Variants in CLEC12A observed in about 807,000 individuals in gnomAD.
CLEC12A encodes C-type lectin protein CLL-1.
A neutral mutation model predicts 26.5 loss-of-function variants in CLEC12A; 22 were observed. The observed-to-expected ratio is 0.83, with a 90% CI of 0.59 to 1.19. The LOEUF is 1.19. CLEC12A is among the 50% of genes most tolerant of loss of function. The pLI is 0.00. For synonymous variants in CLEC12A, 119 were observed against 101.9 expected (o/e 1.17, Z -1.01); for missense variants, 353 against 315.6 (o/e 1.12, Z -0.90).
chr12:9,975,308 C>T (rs896689408), intron 1 of CLEC12A, among the ~76,000 whole-genome samples: 21 of 152,130 alleles, frequency 1.4e-4, no homozygotes, highest in African/African-American at 4.8e-4. Flanking sequence ...AAATGTGGGA[C>T]AGTTTGGCAC....
intron 1 of CLEC12A, chr12:9,951,645 C>T (rs962935584): frequency 4.6e-6 from 2 of 437,742 alleles, no homozygotes; most frequent in Non-Finnish European, 4.2e-6. Flanking sequence ...GAGAAAGCAA[C>T]TCAACTGTTT....
chr12:10,003,150 C>T, the CLEC12A span, among the ~76,000 whole-genome samples: 2 of 152,124 alleles, frequency 1.3e-5, no homozygotes, highest in Non-Finnish European at 2.9e-5. Context: ...AAGCTGTTTG[C>T]CTTTGACTTA....
At chr12:9,991,002 TG>T (rs1393606594) in intron 4 of CLEC12A, 1 of 152,224 alleles carries the variant, frequency 6.6e-6, no homozygotes, top group African/African-American at 2.4e-5. Flanking sequence ...CCAGACATAA[TG>T]CTGTTGTATA....
At chr12:9,993,193 A>C (rs1412288758) in intron 4 of CLEC12A, 1 of 1,612,280 alleles carries the variant, frequency 6.2e-7, no homozygotes, top group African/African-American at 1.3e-5. Context: ...TCACACATTA[A>C]ATAATGTTTG....
At chr12:9,959,452 CAAA>C (rs57106602) in intron 1 of CLEC12A, among the ~76,000 whole-genome samples, 46 of 140,784 alleles carry the variant, frequency 3.3e-4, no homozygotes, top group Admixed American at 4.9e-4. Context: ...AACTCTGTCT[CAAA>C]AAAAAAAAAA....
At chr12:9,978,831 T>A in intron 1 of CLEC12A, 135 bp from the exon 2 acceptor site, 1 of 641,882 alleles carries the variant, frequency 1.6e-6, no homozygotes, top group South Asian at 1.9e-5. Flanking sequence ...TATTCTTGAA[T>A]GGCTAGCAAA....
chr12:9,974,570 C>G (rs951706338), intron 1 of CLEC12A, among the ~76,000 whole-genome samples: 2 of 152,002 alleles, frequency 1.3e-5, no homozygotes, highest in Non-Finnish European at 2.9e-5. Flanking sequence ...CTCCAGACAG[C>G]CTCATCTCAT....
In CLEC12A at chr12:9,971,495, CAG is replaced by C. The variant is rs1296671155; in HGVS notation, c.-100_-99del. On this transcript the variant is annotated 5_prime_UTR_variant, in exon 1 of 6. Coordinates refer to ENST00000304361, the MANE Select transcript of CLEC12A (RefSeq NM_138337.6). ...GTAAGCTTAAGCTTCCGTTTATAAA[CAG>C]AAGTTTAAAATTATAGGTCCTGTTT... The C allele has an allele frequency of 6.8e-7, 1 of 1,468,078 alleles. No homozygotes were observed. The highest frequency in any genetic ancestry group is 1.4e-5 in the African/African-American group (1 of 70,176). The allele number at this position is 1,468,078 out of a possible 1,614,324, so 90.9% of individuals were successfully genotyped here. A position where few individuals can be genotyped will look rare whatever the true frequency, so the allele number is the denominator to read the frequency against.
chr12:9,968,827 T>A (rs1268824707), upstream of CLEC12A, among the ~76,000 whole-genome samples: 2 of 152,242 alleles, frequency 1.3e-5, no homozygotes, highest in Non-Finnish European at 2.9e-5. Flanking sequence ...ATAGGTTGAT[T>A]TCATATCTTG....
chr12:9,992,614 C>A (rs1864918350), intron 4 of CLEC12A: 1 of 152,028 alleles, frequency 6.6e-6, no homozygotes, highest in African/African-American at 2.4e-5. Context: ...TGTTATTATT[C>A]CTATTTTAAA....
chr12:10,004,432 G>A, the CLEC12A span, among the ~76,000 whole-genome samples: 1 of 152,152 alleles, frequency 6.6e-6, no homozygotes, highest in African/African-American at 2.4e-5. Context: ...GATGAAATGG[G>A]AAGGTGATCT....
At chr12:9,984,840 C>A (rs1278393645) in intron 5 of CLEC12A, 30 bp from the exon 6 acceptor site, 3 of 1,391,192 alleles carry the variant, frequency 2.2e-6, no homozygotes, top group Non-Finnish European at 2.8e-6. Flanking sequence ...ATCTGACTTG[C>A]CAAGTGTAAT....
chr12:9,978,929 CA>C (rs1565559007), intron 1 of CLEC12A, 36 bp from the exon 2 acceptor site: 2 of 1,406,328 alleles, frequency 1.4e-6, no homozygotes, highest in Non-Finnish European at 2.0e-6. Flanking sequence ...AAAGTTATAC[CA>C]TTTTTAGGCC....
In CLEC12A at chr12:9,980,650, G is replaced by A. The variant is rs556889668; in HGVS notation, c.448G>A (p.Asp150Asn). 1 of 1,613,870 alleles carries A rather than the reference G, an allele frequency of 6.2e-7. No homozygotes were observed. The highest frequency in any genetic ancestry group is 1.3e-5 in the African/African-American group (1 of 75,018). ...GGACAGCTGTTATTTCCTAAGTGATGATGTCCAAACATGGCAGGAGAGTAA... is the reference window on the plus strand; with the variant it reads ...GGACAGCTGTTATTTCCTAAGTGATAATGTCCAAACATGGCAGGAGAGTAA... ...HKDSCYFLSD[D>N]VQTWQESKMA... The change falls in exon 4 of 6, where the codon GAT (aspartate) becomes AAT (asparagine). Residue 150 changes from aspartate to asparagine, a missense_variant. Physicochemically the swap from Asp to Asn is conservative, Grantham distance 23. Transcript: ENST00000304361.
intron 1 of CLEC12A, among the ~76,000 whole-genome samples, chr12:9,963,451 T>C: frequency 7.0e-6 from 1 of 141,942 alleles, no homozygotes; most frequent in East Asian, 2.0e-4. Flanking sequence ...ATGTCTGTGA[T>C]GCTAGCAGAG....
chr12:9,997,408 A>G (rs1865081082), downstream of CLEC12A: 2 of 786,034 alleles, frequency 2.5e-6, no homozygotes, highest in Non-Finnish European at 3.9e-6. Flanking sequence ...CACATGATTA[A>G]ATGAATGTTG....
the CLEC12A span, among the ~76,000 whole-genome samples, chr12:10,003,197 G>C: frequency 6.6e-6 from 1 of 152,126 alleles, no homozygotes; most frequent in Non-Finnish European, 1.5e-5. Flanking sequence ...TGTTTAATTT[G>C]GTAATGGTAG....
upstream of CLEC12A, among the ~76,000 whole-genome samples, chr12:9,970,452 T>G (rs909630083): frequency 6.6e-6 from 1 of 152,220 alleles, no homozygotes. Context: ...AACCATTTTA[T>G]GATTTACATG....
intron 1 of CLEC12A, among the ~76,000 whole-genome samples, chr12:9,957,376 T>C (rs918991703): frequency 1.3e-5 from 2 of 151,750 alleles, no homozygotes; most frequent in Non-Finnish European, 2.9e-5. Context: ...TAATCCCAGC[T>C]ACTCAGGAGG....
Sources: allele counts gnomAD v4.1 joint callset (sites outside exome capture counted in the v4.1 genomes callset), GRCh38; gene constraint gnomAD v4.1.1; transcripts MANE v1.5; gene names NCBI Gene and HGNC (gene_info 2026-07-23, HGNC 2026-07-21).